CNTNAP2: variants seen among roughly 807,000 people sequenced by gnomAD.
CNTNAP2 encodes the protein contactin-associated protein-like 2.
In CNTNAP2, 98 loss-of-function variants were observed where a neutral mutation model predicts 155.2. The ratio of observed to expected loss-of-function variants is 0.63; its 90% CI spans 0.54 to 0.75. The LOEUF is 0.75. Among genes scored for constraint, CNTNAP2 ranks in the 30% least tolerant of loss-of-function variants. CNTNAP2 has a pLI of 0.00. For synonymous variants in CNTNAP2, 651 were observed against 631.2 expected (o/e 1.03, Z -0.47); for missense variants, 1,727 against 1,688.1 (o/e 1.02, Z -0.40).
chr7:146,869,986 G>A (rs983139943), intron 3 of CNTNAP2, among the ~76,000 whole-genome samples: 4 of 152,096 alleles, frequency 2.6e-5, no homozygotes, highest in African/African-American at 7.2e-5. Context: ...AAATTTGCAA[G>A]TATTTTTGCT....
At chr7:148,075,858 A>G (rs1158936016) in intron 15 of CNTNAP2, among the ~76,000 whole-genome samples, 1 of 152,208 alleles carries the variant, frequency 6.6e-6, no homozygotes, top group Non-Finnish European at 1.5e-5. Flanking sequence ...CTCCAGAGCT[A>G]TTCAAATATT....
intron 3 of CNTNAP2, among the ~76,000 whole-genome samples, chr7:146,981,868 G>A (rs559194590): frequency 6.6e-6 from 1 of 152,278 alleles, no homozygotes; most frequent in South Asian, 2.1e-4. Context: ...ATATTGAAAA[G>A]GGCCGGACAG....
chr7:148,264,739 G>C (rs1796636101), intron 20 of CNTNAP2, among the ~76,000 whole-genome samples: 1 of 152,116 alleles, frequency 6.6e-6, no homozygotes, highest in Non-Finnish European at 1.5e-5. Context: ...GCTGTCACCA[G>C]GCTGGAGTGC....
chr7:148,061,987 ATAGATAG>A, intron 15 of CNTNAP2, among the ~76,000 whole-genome samples: 1 of 137,266 alleles, frequency 7.3e-6, no homozygotes, highest in Admixed American at 7.6e-5. Flanking sequence ...AGATAGATAG[ATAGATAG>A]ATAGATAGAT....
chr7:148,006,644 C>CAAAA (rs5888302), intron 15 of CNTNAP2, among the ~76,000 whole-genome samples: 1 of 61,432 alleles, frequency 1.6e-5, no homozygotes, highest in African/African-American at 6.7e-5. Flanking sequence ...ATATCCCAGA[C>CAAAA]AAAAAAAAAA....
intron 1 of CNTNAP2, among the ~76,000 whole-genome samples, chr7:146,599,569 CT>C (rs886768257): frequency 6.6e-6 from 1 of 151,362 alleles, no homozygotes; most frequent in African/African-American, 2.4e-5. Context: ...AGATAAAAAT[CT>C]GAACTCCCTT....
chr7:146,505,341 A>G (rs569273330), intron 1 of CNTNAP2, among the ~76,000 whole-genome samples: 43 of 152,262 alleles, frequency 2.8e-4, no homozygotes, highest in African/African-American at 9.9e-4. Context: ...AGGCACAGGT[A>G]CTAACAGGGG....
chr7:148,337,220 C>G lies in CNTNAP2; in HGVS notation c.3476-46429C>G, dbSNP rs551901760. ...AGGAGGCCCCTGCTGCTCCCCCTCC[C>G]TCTCTGCTCCCTGAGTCTGTGAGAG... On this transcript the variant is annotated intron_variant, in intron 21 of 23. Transcript: ENST00000361727. 2.0e-5 allele frequency among the ~76,000 whole-genome samples: 3 copies of G among 152,216 alleles called. No homozygotes were observed. The East Asian group carries it at 5.8e-4, about 29-fold the overall frequency.
intron 1 of CNTNAP2, among the ~76,000 whole-genome samples, chr7:146,412,564 A>G (rs28475380): frequency 0.078 from 11,872 of 152,198 alleles, 1,347 homozygotes; most frequent in African/African-American, 0.25. Flanking sequence ...TCATTCTACC[A>G]CTTGTGAGAT....
intron 1 of CNTNAP2, among the ~76,000 whole-genome samples, chr7:146,670,400 C>T (rs145672627): frequency 9.2e-5 from 14 of 152,140 alleles, no homozygotes; most frequent in African/African-American, 2.2e-4. Flanking sequence ...AAGAACGTAG[C>T]CAGAGATAGT....
chr7:148,213,299 G>A (rs1795579828), intron 18 of CNTNAP2, among the ~76,000 whole-genome samples: 1 of 152,208 alleles, frequency 6.6e-6, no homozygotes, highest in South Asian at 2.1e-4. Context: ...AATGATGTGA[G>A]AGTCTCAGCT....
chr7:147,564,981 T>C (rs1350806289), intron 12 of CNTNAP2, among the ~76,000 whole-genome samples: 1 of 152,210 alleles, frequency 6.6e-6, no homozygotes, highest in Non-Finnish European at 1.5e-5. Context: ...AGAATGTGGA[T>C]TTAACATCAT....
chr7:147,104,108 T>C (rs1399100076), intron 4 of CNTNAP2, among the ~76,000 whole-genome samples: 1 of 152,078 alleles, frequency 6.6e-6, no homozygotes, highest in East Asian at 1.9e-4. Context: ...TTTTGACAAA[T>C]GTGCCAGGTT....
chr7:147,899,929 CCATTGT>C (rs1799837843), intron 13 of CNTNAP2, among the ~76,000 whole-genome samples: 2 of 73,966 alleles, frequency 2.7e-5, no homozygotes, highest in African/African-American at 9.2e-5. Context: ...AAAGAGTCAT[CCATTGT>C]CAGGGTCTTC....
chr7:148,234,969 C>T (rs1169812630), intron 20 of CNTNAP2, among the ~76,000 whole-genome samples: 1 of 152,170 alleles, frequency 6.6e-6, no homozygotes, highest in Non-Finnish European at 1.5e-5. Context: ...GCCATCTTAT[C>T]TTTGCCAAGA....
At chr7:147,181,776 A>G (rs1802460433) in intron 8 of CNTNAP2, among the ~76,000 whole-genome samples, 1 of 152,228 alleles carries the variant, frequency 6.6e-6, no homozygotes, top group Non-Finnish European at 1.5e-5. Context: ...GAAGAATTTA[A>G]AGTTACATGT....
chr7:146,938,660 A>G (rs1276622416), intron 3 of CNTNAP2, among the ~76,000 whole-genome samples: 1 of 151,970 alleles, frequency 6.6e-6, no homozygotes, highest in East Asian at 1.9e-4. Context: ...TCTGATTGCC[A>G]TGTAAAAATA....
intron 4 of CNTNAP2, among the ~76,000 whole-genome samples, chr7:147,082,289 C>T (rs764222560): frequency 3.9e-5 from 6 of 152,174 alleles, no homozygotes; most frequent in Non-Finnish European, 7.3e-5. Context: ...CTTTTCTTTA[C>T]ATTTGCTTAG....
chr7:147,263,320 C>T lies in CNTNAP2; in HGVS notation c.1349-36821C>T, dbSNP rs116005289. On this transcript the variant is annotated intron_variant, in intron 8 of 23. Transcript: ENST00000361727. ...AGGTTGCAGTGAGCTGTGATCATGC[C>T]GCTGTCCTCCAGCCTGGGTGACAGA... Among the ~76,000 whole-genome samples the T allele has an allele frequency of 8.9e-3, 1,356 of 151,796 alleles. 25 individuals are homozygous for T. Among genetic ancestry groups the T allele is most frequent in the African/African-American group, 0.031 (1,263 of 41,340 alleles).
Sources: gnomAD v4.1 joint callset for allele counts (sites outside exome capture counted in the v4.1 genomes callset) on GRCh38, gnomAD v4.1.1 for gene constraint, MANE v1.5 for transcripts, NCBI Gene and HGNC (gene_info 2026-07-23, HGNC 2026-07-21) for gene names.